SLC35F1: variants seen among roughly 807,000 people sequenced by gnomAD.
The protein encoded by SLC35F1 is chromosome 6 open reading frame 169.
In SLC35F1, 14 loss-of-function variants were observed where a neutral mutation model predicts 48.7. The ratio of observed to expected loss-of-function variants is 0.29; its 90% CI spans 0.19 to 0.45. The LOEUF is 0.45. Ranked by LOEUF, SLC35F1 falls within the 20% of genes least tolerant of loss-of-function variation. The pLI is 1.00. For synonymous variants in SLC35F1, 190 were observed against 202.2 expected, an observed-to-expected ratio of 0.94 and a Z score of 0.51; for missense variants, 404 against 500.0, an observed-to-expected ratio of 0.81 and a Z score of 1.83.
intron 1 of SLC35F1, among the ~76,000 whole-genome samples, chr6:118,013,756 T>C (rs1197199170): frequency 6.6e-6 from 1 of 152,230 alleles, no homozygotes; most frequent in Non-Finnish European, 1.5e-5. Flanking sequence ...TTTAGCATGC[T>C]CTAGTCATAG....
At chr6:118,069,680 C>A (rs965522931) in intron 1 of SLC35F1, among the ~76,000 whole-genome samples, 2 of 152,168 alleles carry the variant, frequency 1.3e-5, no homozygotes, top group Admixed American at 6.5e-5. Flanking sequence ...TTAAACTATT[C>A]TTTGCAGCAG....
At position 117,998,037 on chromosome 6, in the gene SLC35F1, G is replaced by A. The variant is rs1183936939; in HGVS notation, c.173+90138G>A. Among the ~76,000 whole-genome samples, 281 of 147,774 alleles carry A rather than the reference G, an allele frequency of 1.9e-3. 1 individual carries two copies. The highest frequency in any genetic ancestry group is 3.5e-3 in the South Asian group (16 of 4,522). ...GCTGTATTCAGGAAACCCATCTCAC[G>A]TGCAGAGACACACATAGGCTCAAAA... On this transcript the variant is annotated intron_variant, in intron 1 of 7. Transcript: ENST00000360388.
chr6:117,979,369 C>G (rs1164686066), intron 1 of SLC35F1, among the ~76,000 whole-genome samples: 1 of 152,142 alleles, frequency 6.6e-6, no homozygotes, highest in Non-Finnish European at 1.5e-5. Flanking sequence ...GTTTCTGGTC[C>G]CTTGAATACT....
intron 1 of SLC35F1, among the ~76,000 whole-genome samples, chr6:118,053,732 T>A (rs1405539940): frequency 6.6e-6 from 1 of 152,172 alleles, no homozygotes; most frequent in Non-Finnish European, 1.5e-5. Context: ...AACATTTCCC[T>A]CTTTTTAGGG....
Position 117,918,861 on chromosome 6 carries a change from T to TGA in SLC35F1, c.173+10973_173+10974dup, listed in dbSNP as rs757316122. ...CCTGATTGTACTGGGGAGTGGGGTA[T>TGA]GAGAGAGAGAGAAGAGGGAATTAAG... On this transcript the variant is annotated intron_variant, in intron 1 of 7. Transcript: ENST00000360388. Among the ~76,000 whole-genome samples, 7 of 151,836 alleles carry TGA rather than the reference T, an allele frequency of 4.6e-5. No individual in the cohort carries two copies. The East Asian group carries it at 1.2e-3, about 25-fold the overall frequency.
chr6:117,999,094 G>T (rs1777045779), intron 1 of SLC35F1: 8 of 1,546,434 alleles, frequency 5.2e-6, no homozygotes, highest in Non-Finnish European at 6.2e-6. Flanking sequence ...CCAAGTTCCT[G>T]AGGAACATGC....
chr6:118,249,191 G>GCCT (rs1775542878), intron 3 of SLC35F1, among the ~76,000 whole-genome samples: 1 of 152,200 alleles, frequency 6.6e-6, no homozygotes, highest in African/African-American at 2.4e-5. Flanking sequence ...CACCCTCCAG[G>GCCT]CAGGTTCGAA....
intron 2 of SLC35F1, among the ~76,000 whole-genome samples, chr6:118,172,263 C>T (rs1024946687): frequency 5.9e-5 from 9 of 152,008 alleles, no homozygotes; most frequent in African/African-American, 2.2e-4. Context: ...GGTAGGTTTA[C>T]TGGTGTTGAA....
At chr6:118,271,746 A>G (rs922940236) in intron 4 of SLC35F1, among the ~76,000 whole-genome samples, 1 of 152,230 alleles carries the variant, frequency 6.6e-6, no homozygotes, top group East Asian at 1.9e-4. Flanking sequence ...CAAAGCAATT[A>G]TGACTAGGTT....
chr6:118,057,721 G>A (rs1772482630), intron 1 of SLC35F1, among the ~76,000 whole-genome samples: 1 of 152,152 alleles, frequency 6.6e-6, no homozygotes, highest in Non-Finnish European at 1.5e-5. Flanking sequence ...CAAGAGTAGA[G>A]GAGGTCTGTT....
At chr6:118,158,759 A>T (rs78264955) in intron 2 of SLC35F1, among the ~76,000 whole-genome samples, 1,982 of 152,234 alleles carry the variant, frequency 0.013, 38 homozygotes, top group African/African-American at 0.044. Flanking sequence ...TAAGTTCCAA[A>T]ATGAATTGGA....
intron 1 of SLC35F1, among the ~76,000 whole-genome samples, chr6:118,037,528 G>T (rs2114898607): frequency 6.6e-6 from 1 of 152,096 alleles, no homozygotes; most frequent in African/African-American, 2.4e-5. Context: ...GGGTTACTTT[G>T]AGTTAATATT....
At chr6:118,193,844 A>G (rs1023669383) in intron 2 of SLC35F1, among the ~76,000 whole-genome samples, 1 of 152,242 alleles carries the variant, frequency 6.6e-6, no homozygotes. Flanking sequence ...TTCAAAAACC[A>G]AAGAAGCAGT....
intron 1 of SLC35F1, among the ~76,000 whole-genome samples, chr6:118,126,392 T>C (rs1415449133): frequency 6.6e-6 from 1 of 152,190 alleles, no homozygotes; most frequent in Non-Finnish European, 1.5e-5. Context: ...AGGCTTGTAG[T>C]ATAGTTTGAA....
intron 1 of SLC35F1, among the ~76,000 whole-genome samples, chr6:118,134,213 G>T (rs1340258871): frequency 1.3e-5 from 2 of 152,234 alleles, no homozygotes; most frequent in Admixed American, 1.3e-4. Flanking sequence ...AACTGCTTCT[G>T]GTGGGTGTTT....
intron 1 of SLC35F1, among the ~76,000 whole-genome samples, chr6:118,066,949 T>C (rs1772624911): frequency 6.6e-6 from 1 of 152,056 alleles, no homozygotes; most frequent in Admixed American, 6.6e-5. Flanking sequence ...TAACCAGATC[T>C]CAGGAATTTT....
intron 5 of SLC35F1, among the ~76,000 whole-genome samples, chr6:118,277,267 C>T (rs570633495): frequency 6.6e-6 from 1 of 152,164 alleles, no homozygotes; most frequent in Non-Finnish European, 1.5e-5. Flanking sequence ...AAGGGTTGAG[C>T]GCCCCAGGGC....
chr6:117,929,731 T>C (rs1198985378), intron 1 of SLC35F1, among the ~76,000 whole-genome samples: 2 of 152,126 alleles, frequency 1.3e-5, no homozygotes, highest in Admixed American at 6.6e-5. Flanking sequence ...TCTGCTTTAC[T>C]TAAAGCTAAC....
At chr6:118,227,624 A>G (rs979900161) in intron 2 of SLC35F1, among the ~76,000 whole-genome samples, 15 of 152,202 alleles carry the variant, frequency 9.9e-5, no homozygotes, top group African/African-American at 4.8e-5. Flanking sequence ...CATATTAGGC[A>G]TTTCTTGAAA....
Sources: allele counts gnomAD v4.1 joint callset (sites outside exome capture counted in the v4.1 genomes callset), GRCh38; gene constraint gnomAD v4.1.1; transcripts MANE v1.5; gene names NCBI Gene and HGNC (gene_info 2026-07-23, HGNC 2026-07-21).